Variants in CLASP1 observed in about 807,000 individuals in gnomAD.
CLASP1 encodes the protein CLIP-associating protein 1.
In CLASP1, 38 loss-of-function variants were observed where a neutral mutation model predicts 192.3. The ratio of observed to expected loss-of-function variants is 0.20; its 90% CI spans 0.15 to 0.26. The LOEUF is 0.26. CLASP1 is among the 10% of genes least tolerant of loss of function. CLASP1 has a pLI of 1.00. For synonymous variants in CLASP1, 691 were observed against 712.8 expected (o/e 0.97, Z 0.49); for missense variants, 1,433 against 1,932.5 (o/e 0.74, Z 4.85).
At chr2:121,415,158 T>C (rs1022190132) in intron 23 of CLASP1, among the ~76,000 whole-genome samples, 1 of 152,218 alleles carries the variant, frequency 6.6e-6, no homozygotes, top group African/African-American at 2.4e-5. Flanking sequence ...GAGAGGCAGT[T>C]ACAGTACACT....
At chr2:121,556,594 G>C (rs1322555344) in intron 2 of CLASP1, among the ~76,000 whole-genome samples, 1 of 152,132 alleles carries the variant, frequency 6.6e-6, no homozygotes, top group Non-Finnish European at 1.5e-5. Flanking sequence ...TTGTTCAAAT[G>C]TCATAAAATT....
chr2:121,603,922 G>A (rs905306263), intron 2 of CLASP1, among the ~76,000 whole-genome samples: 11 of 152,308 alleles, frequency 7.2e-5, no homozygotes, highest in Admixed American at 5.2e-4. Flanking sequence ...GGAAGGACAG[G>A]AGGAAGAGAG....
At chr2:121,377,985 A>G (rs569191328) in intron 33 of CLASP1, among the ~76,000 whole-genome samples, 1 of 152,326 alleles carries the variant, frequency 6.6e-6, no homozygotes, top group East Asian at 1.9e-4. Context: ...TATTTTGAAG[A>G]TGGAAAAAAG....
At chr2:121,351,551 T>C (rs946844311) in intron 37 of CLASP1, among the ~76,000 whole-genome samples, 2 of 152,182 alleles carry the variant, frequency 1.3e-5, no homozygotes, top group African/African-American at 2.4e-5. Context: ...GTCTTTCTTG[T>C]TGGAGGTCTT....
intron 7 of CLASP1, among the ~76,000 whole-genome samples, chr2:121,513,813 C>A (rs775803931): frequency 1.3e-5 from 2 of 152,222 alleles, no homozygotes; most frequent in Non-Finnish European, 2.9e-5. Context: ...TGCTTTCTAT[C>A]AGGAATGCTC....
At chr2:121,347,531 C>T (rs1163788337) in intron 38 of CLASP1, among the ~76,000 whole-genome samples, 1 of 152,164 alleles carries the variant, frequency 6.6e-6, no homozygotes, top group Non-Finnish European at 1.5e-5. Context: ...CAAAGGTAAA[C>T]CAAATTTCCT....
At chr2:121,626,144 T>C (rs1351660840) in intron 1 of CLASP1, among the ~76,000 whole-genome samples, 1 of 150,912 alleles carries the variant, frequency 6.6e-6, no homozygotes, top group Non-Finnish European at 1.5e-5. Context: ...TGTCATTTGA[T>C]ACAGTATGAC....
chr2:121,416,031 T>C lies in CLASP1; in HGVS notation c.2320+2591A>G, dbSNP rs140019514. Among the ~76,000 whole-genome samples the C allele has an allele frequency of 4.3e-4, 65 of 152,362 alleles. 1 individual carries two copies. Among genetic ancestry groups the C allele is most frequent in the African/African-American group, 1.1e-3 (47 of 41,582 alleles). On this transcript the variant is annotated intron_variant, in intron 23 of 39. Coordinates refer to ENST00000263710, the Ensembl canonical transcript of CLASP1. ...CCTAAATAAGGAAGTTGGTAAAATA[T>C]CTTAAGACTGAAGCAAACTATACAT... is the stretch of plus-strand genomic sequence containing the variant.
At chr2:121,365,023 C>T (rs1278168897) in intron 36 of CLASP1, 71 bp downstream of exon 37, 1 of 1,377,130 alleles carries the variant, frequency 7.3e-7, no homozygotes, top group South Asian at 1.2e-5. Context: ...TGAAGCTAAG[C>T]CCAATAAGAA....
In CLASP1 at chr2:121,530,973, A is replaced by T. The variant is rs1431191518; in HGVS notation, c.196-648T>A. 4 of 700,328 alleles carry T rather than the reference A, an allele frequency of 5.7e-6. No homozygotes were observed. Among genetic ancestry groups the T allele is most frequent in the Non-Finnish European group, 5.2e-6 (2 of 384,822 alleles). 43.4% of individuals were successfully genotyped at this position (700,328 alleles called of 1,614,324 possible). ...TGAACAACACACCCGCATCAACTAG[A>T]GCTTTTGCTTTATTTTGGTGCAATT... is the stretch of plus-strand genomic sequence containing the variant. On this transcript the variant is annotated intron_variant, in intron 2 of 39. Transcript: ENST00000263710.
chr2:121,566,495 AAAG>A (rs2059514580), intron 2 of CLASP1, among the ~76,000 whole-genome samples: 2 of 152,210 alleles, frequency 1.3e-5, no homozygotes, highest in Non-Finnish European at 2.9e-5. Context: ...GCAGAGAACT[AAAG>A]AAATATTGTT....
At chr2:121,466,844 T>C (rs1442086420) in intron 9 of CLASP1, among the ~76,000 whole-genome samples, 2 of 152,212 alleles carry the variant, frequency 1.3e-5, no homozygotes, top group African/African-American at 2.4e-5. Flanking sequence ...CAGGGGTGCA[T>C]GTGTAGGATG....
chr2:121,410,960 C>T (rs772403167), exon 24 of CLASP1: 1 of 1,597,046 alleles, frequency 6.3e-7, no homozygotes, highest in Non-Finnish European at 8.5e-7. Flanking sequence ...CTGGCCAAGC[C>T]CAAACCGATC....
At chr2:121,389,110 T>C (rs2073876987) in intron 30 of CLASP1, among the ~76,000 whole-genome samples, 1 of 152,214 alleles carries the variant, frequency 6.6e-6, no homozygotes, top group African/African-American at 2.4e-5. Context: ...AAATAAGAAT[T>C]ATGAATTTAA....
chr2:121,429,753 TC>T (rs1356695824), intron 20 of CLASP1, among the ~76,000 whole-genome samples: 6 of 152,216 alleles, frequency 3.9e-5, no homozygotes, highest in Non-Finnish European at 8.8e-5. Flanking sequence ...TCAGAAGGAT[TC>T]CTTATCAATG....
intron 2 of CLASP1, among the ~76,000 whole-genome samples, chr2:121,584,654 C>T (rs1285948365): frequency 6.6e-6 from 1 of 151,864 alleles, no homozygotes; most frequent in Non-Finnish European, 1.5e-5. Context: ...GAAACAGGGT[C>T]TCACTCTGTC....
At chr2:121,458,752 A>G (rs2087226391) in intron 13 of CLASP1, 88 bp downstream of exon 13, 2 of 1,010,360 alleles carry the variant, frequency 2.0e-6, no homozygotes, top group South Asian at 5.0e-5. Context: ...GACTCAATAT[A>G]ATTATGTTAA....
At position 121,382,197 on chromosome 2, in the gene CLASP1, T is replaced by A; in HGVS notation, c.3491+11A>T. ...TGACACCTCAGACAAGTTTGACAGG[T>A]AGCTTGTTACCTGGGAGAGTAAGAG... is the stretch of plus-strand genomic sequence containing the variant. On this transcript the variant is annotated intron_variant, in intron 33 of 39. Coordinates refer to ENST00000263710, the Ensembl canonical transcript of CLASP1. The A allele has an allele frequency of 1.3e-6, 2 of 1,586,898 alleles. No homozygotes were observed. Among genetic ancestry groups the A allele is most frequent in the East Asian group, 2.3e-5 (1 of 44,290 alleles).
chr2:121,572,155 G>A (rs2060033213), intron 2 of CLASP1, among the ~76,000 whole-genome samples: 2 of 152,296 alleles, frequency 1.3e-5, no homozygotes, highest in East Asian at 1.9e-4. Context: ...AGGGCCAGGC[G>A]CAGTGGCTCA....
Sources: allele counts gnomAD v4.1 joint callset (sites outside exome capture counted in the v4.1 genomes callset), GRCh38; gene constraint gnomAD v4.1.1; transcripts MANE v1.5; gene names NCBI Gene and HGNC (gene_info 2026-07-23, HGNC 2026-07-21).